The following TBCE variants were observed in gnomAD, a reference collection of about 807,000 sequenced individuals.
TBCE encodes tubulin-specific chaperone E.
A neutral mutation model predicts 77.0 loss-of-function variants in TBCE; 53 were observed. The observed-to-expected ratio is 0.69, with a 90% CI of 0.55 to 0.87. TBCE has a LOEUF of 0.87. Among genes scored for constraint, TBCE ranks in the 40% least tolerant of loss-of-function variants. TBCE has a pLI of 0.00. For missense variants in TBCE, 624 were observed against 622.4 expected (o/e 1.00, Z -0.03); for synonymous variants, 235 against 241.3 (o/e 0.97, Z 0.24).
At chr1:235,448,135 G>A (rs1405012771) in intron 15 of TBCE, among the ~76,000 whole-genome samples, 3 of 150,832 alleles carry the variant, frequency 2.0e-5, no homozygotes, top group Non-Finnish European at 2.9e-5. Flanking sequence ...GGGAAGCGGA[G>A]GTTGCAGTGA....
intron 5 of TBCE, among the ~76,000 whole-genome samples, chr1:235,425,322 C>G (rs1276147597): frequency 6.6e-6 from 1 of 152,130 alleles, no homozygotes; most frequent in Non-Finnish European, 1.5e-5. Context: ...AATCCATTGG[C>G]AAATCCTGTG....
intron 7 of TBCE, chr1:235,433,494 T>A (rs1681225380): frequency 6.5e-6 from 1 of 154,070 alleles, no homozygotes; most frequent in Non-Finnish European, 1.4e-5. Flanking sequence ...AGTGCTGGGA[T>A]TACAGGCGTG....
intron 6 of TBCE, 113 bp downstream of exon 6, chr1:235,427,352 C>A: frequency 2.6e-6 from 2 of 777,794 alleles, no homozygotes; most frequent in Non-Finnish European, 4.5e-6. Flanking sequence ...AGGCTGCCAC[C>A]TGATGATACA....
chr1:235,385,713 C>A (rs929669004), intron 2 of TBCE, among the ~76,000 whole-genome samples: 13 of 152,094 alleles, frequency 8.5e-5, no homozygotes, highest in African/African-American at 2.9e-4. Context: ...GTGTGTGTCT[C>A]TGCCTGTGAG....
intron 13 of TBCE, 172 bp downstream of exon 13, chr1:235,439,094 G>A: frequency 2.6e-6 from 2 of 775,246 alleles, no homozygotes; most frequent in South Asian, 1.6e-5. Context: ...AGGGCGGCAG[G>A]GCAAGAGCAG....
intron 15 of TBCE, 127 bp from the exon 16 acceptor site, chr1:235,448,222 A>C (rs74700326): frequency 8.2e-5 from 25 of 305,558 alleles, no homozygotes; most frequent in African/African-American, 4.8e-4. Context: ...GTCAGTCTCA[A>C]AAAAAAAAAA....
In TBCE at chr1:235,445,346, T is replaced by C. The variant is rs142901764; in HGVS notation, c.1399+2435T>C. Reference sequence around the variant, plus strand: ...AAATGTCTTCTAAACAGAAAAGTAATAGCCAGGCATGGTGGCTCACACCTG... The same window carrying C: ...AAATGTCTTCTAAACAGAAAAGTAACAGCCAGGCATGGTGGCTCACACCTG... On this transcript the variant is annotated intron_variant, in intron 15 of 16. Transcript: ENST00000642610. 3.6e-3 allele frequency among the ~76,000 whole-genome samples: 543 copies of C among 152,250 alleles called. 6 individuals carry two copies. Among genetic ancestry groups the C allele is most frequent in the African/African-American group, 0.013 (526 of 41,558 alleles).
At chr1:235,419,132 G>T in intron 4 of TBCE, 1 of 359,792 alleles carries the variant, frequency 2.8e-6, no homozygotes, top group Non-Finnish European at 5.3e-6. Context: ...ACCTGAACCT[G>T]GGAGGGAGAG....
intron 7 of TBCE, chr1:235,433,078 A>G: frequency 6.4e-7 from 1 of 1,552,446 alleles, no homozygotes; most frequent in Non-Finnish European, 8.6e-7. Context: ...CCACACATCC[A>G]TGCGGATGAA....
intron 2 of TBCE, 119 bp from the exon 3 acceptor site, chr1:235,401,384 C>T (rs1253506399): frequency 3.7e-6 from 3 of 813,084 alleles, no homozygotes; most frequent in Non-Finnish European, 6.3e-6. Context: ...CCATTCCCTC[C>T]TCCCCAAGTG....
At chr1:235,428,527 A>T (rs1356649950) in intron 6 of TBCE, among the ~76,000 whole-genome samples, 1 of 152,160 alleles carries the variant, frequency 6.6e-6, no homozygotes, top group Non-Finnish European at 1.5e-5. Context: ...TATACCCCAG[A>T]CAACGCAGCT....
chr1:235,432,941 A>C (rs1235511748), intron 7 of TBCE: 1 of 1,275,096 alleles, frequency 7.8e-7, no homozygotes, highest in Non-Finnish European at 9.9e-7. Context: ...AAAAAAAAAA[A>C]TTAGGCTCAT....
chr1:235,427,266 C>T, intron 6 of TBCE, 27 bp downstream of exon 6: 2 of 1,487,320 alleles, frequency 1.3e-6, no homozygotes, highest in Non-Finnish European at 1.9e-6. Context: ...GCTGAATCTT[C>T]ATTAACAATA....
Position 235,401,573 on chromosome 1 carries a change from G to A in TBCE, c.171G>A (p.Val57=). 1.2e-6 allele frequency: 2 copies of A among 1,613,604 alleles called. No individual in the cohort carries two copies. The highest frequency in any genetic ancestry group is 1.7e-6 in the Non-Finnish European group (2 of 1,179,696). The change falls in exon 3 of 17, where the codon GTG becomes GTA. Residue 57 remains valine, a synonymous_variant. Coordinates refer to ENST00000642610, the MANE Select transcript of TBCE (RefSeq NM_003193.5). Reference sequence around the variant, plus strand: ...ATGATGGGAGCCACGAAGGGACTGTGTATTTTAAATGCAGGTAACTTTTCA... The same window carrying A: ...ATGATGGGAGCCACGAAGGGACTGTATATTTTAAATGCAGGTAACTTTTCA... ...GKHDGSHEGT[V]YFKCRHPTGG...
intron 2 of TBCE, among the ~76,000 whole-genome samples, chr1:235,390,146 A>G (rs1678291905): frequency 6.6e-6 from 1 of 152,060 alleles, no homozygotes; most frequent in Non-Finnish European, 1.5e-5. Context: ...AAAAAGAAAA[A>G]GAAATGCAAT....
chr1:235,418,938 G>A, intron 4 of TBCE: 1 of 179,202 alleles, frequency 5.6e-6, no homozygotes, highest in Non-Finnish European at 1.2e-5. Flanking sequence ...CGGGCGTGGT[G>A]GCTCACGCCT....
chr1:235,391,891 G>A (rs1308464516), intron 2 of TBCE, among the ~76,000 whole-genome samples: 1 of 151,936 alleles, frequency 6.6e-6, no homozygotes, highest in Non-Finnish European at 1.5e-5. Context: ...ACAGATGTGA[G>A]CCACTGCACT....
chr1:235,407,697 G>C (rs1272704820), intron 3 of TBCE, among the ~76,000 whole-genome samples: 1 of 152,156 alleles, frequency 6.6e-6, no homozygotes, highest in Non-Finnish European at 1.5e-5. Flanking sequence ...GAATGACCCA[G>C]TTTCTGTAAT....
chr1:235,381,528 C>T (rs1341647552), intron 2 of TBCE, among the ~76,000 whole-genome samples: 1 of 151,172 alleles, frequency 6.6e-6, no homozygotes, highest in African/African-American at 2.4e-5. Flanking sequence ...AGTAAAAATC[C>T]AAAAAATTAG....
Sources: gnomAD v4.1 joint callset for allele counts (sites outside exome capture counted in the v4.1 genomes callset) on GRCh38, gnomAD v4.1.1 for gene constraint, MANE v1.5 for transcripts, NCBI Gene and HGNC (gene_info 2026-07-23, HGNC 2026-07-21) for gene names.